The following CRYL1 variants were observed in gnomAD, a reference collection of about 807,000 sequenced individuals.
The protein encoded by CRYL1 is crystallin lambda 1, also known as lambda-crystallin homolog.
In CRYL1, 29 loss-of-function variants were observed where a neutral mutation model predicts 36.6. That is an observed-to-expected ratio of 0.79 (90% CI 0.59 to 1.08). CRYL1 has a LOEUF of 1.08. CRYL1 is among the 50% of genes least tolerant of loss of function. The pLI, the probability that CRYL1 is intolerant of heterozygous loss-of-function variation, is 0.00. For missense variants in CRYL1, 411 were observed against 407.9 expected (o/e 1.01, Z -0.06); for synonymous variants, 152 against 151.5 (o/e 1.00, Z -0.02).
At chr13:20,479,338 C>A (rs1032342613) in intron 3 of CRYL1, among the ~76,000 whole-genome samples, 1 of 152,086 alleles carries the variant, frequency 6.6e-6, no homozygotes, top group Admixed American at 6.6e-5. Flanking sequence ...TTTTACAATG[C>A]CACTCAGCAA....
chr13:20,490,650 G>C (rs1192463751), intron 2 of CRYL1, among the ~76,000 whole-genome samples: 1 of 151,644 alleles, frequency 6.6e-6, no homozygotes, highest in African/African-American at 2.4e-5. Context: ...ACAATCTCAT[G>C]GCAGGGGATG....
intron 1 of CRYL1, among the ~76,000 whole-genome samples, chr13:20,521,746 C>T (rs2137524757): frequency 6.6e-6 from 1 of 152,296 alleles, no homozygotes; most frequent in Admixed American, 6.5e-5. Flanking sequence ...TCAATTCTAT[C>T]ATTAATGTCA....
intron 3 of CRYL1, among the ~76,000 whole-genome samples, chr13:20,455,494 C>T (rs11843397): frequency 3.4e-3 from 97 of 28,952 alleles, no homozygotes; most frequent in Admixed American, 7.7e-3. Context: ...ACTCAAGCTA[C>T]ACCATAATCA....
chr13:20,490,561 A>G (rs2033489484), intron 2 of CRYL1, among the ~76,000 whole-genome samples: 1 of 152,134 alleles, frequency 6.6e-6, no homozygotes, highest in African/African-American at 2.4e-5. Flanking sequence ...TATACTTAAT[A>G]TACTTAAAAT....
chr13:20,407,960 C>T (rs1039253199), intron 6 of CRYL1, among the ~76,000 whole-genome samples: 21 of 152,190 alleles, frequency 1.4e-4, no homozygotes, highest in African/African-American at 3.9e-4. Flanking sequence ...GGAGGGATTC[C>T]AGGCATCAGC....
chr13:20,483,171 A>G (rs950119703), intron 3 of CRYL1, among the ~76,000 whole-genome samples: 3 of 152,206 alleles, frequency 2.0e-5, no homozygotes, highest in African/African-American at 7.2e-5. Context: ...ATATATTTCA[A>G]AATAGAAGAT....
intron 6 of CRYL1, among the ~76,000 whole-genome samples, chr13:20,412,841 C>A (rs1434232480): frequency 6.6e-6 from 1 of 152,236 alleles, no homozygotes; most frequent in Non-Finnish European, 1.5e-5. Flanking sequence ...GCTCCCTAGC[C>A]TTCTAGAAGA....
chr13:20,451,895 C>A (rs1178446511), intron 3 of CRYL1, among the ~76,000 whole-genome samples: 2 of 152,008 alleles, frequency 1.3e-5, no homozygotes, highest in Non-Finnish European at 2.9e-5. Flanking sequence ...CCCATCAACA[C>A]TGGACTGGAT....
At chr13:20,420,353 G>A (rs915145145) in intron 5 of CRYL1, among the ~76,000 whole-genome samples, 13 of 152,122 alleles carry the variant, frequency 8.5e-5, no homozygotes, top group African/African-American at 2.7e-4. Context: ...CCTCTGGGAG[G>A]CATCTCAGCT....
At chr13:20,433,364 C>T (rs2032118792) in intron 4 of CRYL1, among the ~76,000 whole-genome samples, 1 of 152,188 alleles carries the variant, frequency 6.6e-6, no homozygotes, top group Admixed American at 6.5e-5. Context: ...GCCAAGTATA[C>T]CACAGCAAAC....
chr13:20,491,142 AC>A (rs1237377518), intron 2 of CRYL1, among the ~76,000 whole-genome samples: 1 of 152,110 alleles, frequency 6.6e-6, no homozygotes, highest in African/African-American at 2.4e-5. Flanking sequence ...CCTGGGCTCA[AC>A]TGATCCTCCT....
chr13:20,426,802 T>C, intron 5 of CRYL1: 2 of 985,444 alleles, frequency 2.0e-6, no homozygotes, highest in South Asian at 4.7e-5. Context: ...AACGATGAAG[T>C]TCTGGAATCT....
chr13:20,438,718 G>A (rs1048121736), intron 4 of CRYL1, among the ~76,000 whole-genome samples: 2 of 152,094 alleles, frequency 1.3e-5, no homozygotes, highest in African/African-American at 2.4e-5. Context: ...TCCCTGATCC[G>A]AACCTCTGAC....
At chr13:20,441,868 A>G (rs1180184300) in intron 3 of CRYL1, among the ~76,000 whole-genome samples, 4 of 152,212 alleles carry the variant, frequency 2.6e-5, no homozygotes, top group African/African-American at 9.7e-5. Flanking sequence ...TCAAAAATAT[A>G]ATCAAACCAT....
chr13:20,444,560 A>G (rs1317019178), intron 3 of CRYL1, among the ~76,000 whole-genome samples: 4 of 152,190 alleles, frequency 2.6e-5, no homozygotes, highest in Non-Finnish European at 5.9e-5. Flanking sequence ...CCTCATTCCA[A>G]TGATGTTTTT....
At chr13:20,456,236 G>C (rs530930158) in intron 3 of CRYL1, among the ~76,000 whole-genome samples, 83 of 152,210 alleles carry the variant, frequency 5.5e-4, no homozygotes, top group African/African-American at 1.9e-3. Flanking sequence ...AACTTTGAGA[G>C]GCCGAGGCGG....
At chr13:20,494,911 G>GTTCTCTGTCTCACAT (rs2033578967) in intron 2 of CRYL1, among the ~76,000 whole-genome samples, 2 of 152,172 alleles carry the variant, frequency 1.3e-5, no homozygotes, top group African/African-American at 4.8e-5. Context: ...TGGGCATGAG[G>GTTCTCTGTCTCACAT]GAGAGACACG....
At chr13:20,479,939 C>A (rs1193042173) in intron 3 of CRYL1, among the ~76,000 whole-genome samples, 1 of 152,184 alleles carries the variant, frequency 6.6e-6, no homozygotes, top group Non-Finnish European at 1.5e-5. Context: ...ATGGACCAAG[C>A]TGTTACCAAG....
At chr13:20,510,704 C>G (rs1235210526) in intron 2 of CRYL1, among the ~76,000 whole-genome samples, 1 of 151,184 alleles carries the variant, frequency 6.6e-6, no homozygotes, top group Non-Finnish European at 1.5e-5. Context: ...TCTCCGCCAC[C>G]CAGGCTCAAG....
Sources: allele counts gnomAD v4.1 joint callset (sites outside exome capture counted in the v4.1 genomes callset), GRCh38; gene constraint gnomAD v4.1.1; transcripts MANE v1.5; gene names NCBI Gene and HGNC (gene_info 2026-07-23, HGNC 2026-07-21).